Variants in CLASP2 observed in about 807,000 individuals in gnomAD.
CLASP2 encodes the protein CLIP-associating protein 2.
Under a neutral mutation model 194.4 loss-of-function variants are expected in CLASP2, and 47 were observed. That is an observed-to-expected ratio of 0.24 (90% CI 0.19 to 0.31). The LOEUF (loss-of-function observed/expected upper bound fraction) is 0.31. CLASP2 is among the 10% of genes least tolerant of loss of function. The probability of loss-of-function intolerance (pLI) is 1.00; values close to 1 mark genes in which losing one functional copy is unlikely to be tolerated. For synonymous variants in CLASP2, 619 were observed against 633.5 expected (o/e 0.98, Z 0.34); for missense variants, 1,445 against 1,823.6 (o/e 0.79, Z 3.78).
intron 2 of CLASP2, among the ~76,000 whole-genome samples, chr3:33,694,766 C>A (rs1045180399): frequency 2.6e-5 from 4 of 152,080 alleles, no homozygotes; most frequent in African/African-American, 9.7e-5. Context: ...ATTTTAAACA[C>A]TGATTCAAAA....
intron 6 of CLASP2, among the ~76,000 whole-genome samples, chr3:33,671,710 G>T (rs368560211): frequency 1.3e-5 from 2 of 152,310 alleles, no homozygotes; most frequent in African/African-American, 4.8e-5. Context: ...GTGACAGATG[G>T]CACCTGGAAA....
intron 37 of CLASP2, chr3:33,502,865 T>G (rs2047156171): frequency 6.6e-6 from 1 of 152,244 alleles, no homozygotes; most frequent in African/African-American, 2.4e-5. Flanking sequence ...CATTTTAATA[T>G]AATTGCAATT....
rs983778309 is a variant in CLASP2 at position 33,612,139 on chromosome 3, C to T, written c.1318-68G>A. 3.2e-6 allele frequency: 3 copies of T among 942,654 alleles called. No individual in the cohort carries two copies. In the African/African-American group the frequency reaches 4.9e-5, roughly 15 times the overall value. The allele number at this position is 942,654 out of a possible 1,614,324, so 58.4% of individuals were successfully genotyped here. The stretch of plus-strand genomic sequence containing the variant: ...TCATGTGGTCCTTTCTTCTATTTGC[C>T]TTACATTCAAGTATTTAGTTATGTT... On this transcript the variant is annotated intron_variant, in intron 12 of 38. Transcript: ENST00000682230.
At chr3:33,558,040 A>G (rs1479529145) in intron 29 of CLASP2, among the ~76,000 whole-genome samples, 1 of 152,196 alleles carries the variant, frequency 6.6e-6, no homozygotes, top group Non-Finnish European at 1.5e-5. Context: ...TCCCCCACTC[A>G]CCCAGAGACA....
At chr3:33,587,721 A>G (rs1254860802) in intron 21 of CLASP2, among the ~76,000 whole-genome samples, 4 of 152,192 alleles carry the variant, frequency 2.6e-5, no homozygotes, top group African/African-American at 9.7e-5. Context: ...TTATAACCTT[A>G]AGGATACTCA....
chr3:33,576,603 CATA>C (rs1193287717), intron 23 of CLASP2, among the ~76,000 whole-genome samples: 4 of 152,132 alleles, frequency 2.6e-5, no homozygotes, highest in Non-Finnish European at 5.9e-5. Flanking sequence ...AAATATCATC[CATA>C]CGGCTGAATC....
At chr3:33,711,136 T>C (rs1046758738) in intron 1 of CLASP2, among the ~76,000 whole-genome samples, 1 of 152,058 alleles carries the variant, frequency 6.6e-6, no homozygotes, top group Non-Finnish European at 1.5e-5. Flanking sequence ...CATATAATGG[T>C]CAGGAATTTA....
chr3:33,672,510 G>C (rs370649136), intron 6 of CLASP2, among the ~76,000 whole-genome samples: 2 of 151,806 alleles, frequency 1.3e-5, no homozygotes, highest in Non-Finnish European at 2.9e-5. Context: ...CAGAGCAGAA[G>C]AACTGGAAAC....
intron 12 of CLASP2, among the ~76,000 whole-genome samples, chr3:33,616,555 A>T (rs1161739088): frequency 3.9e-5 from 6 of 152,124 alleles, no homozygotes; most frequent in Non-Finnish European, 8.8e-5. Context: ...GGGCTATCTG[A>T]TAAAATTCAA....
At chr3:33,603,570 T>A (rs1480146770) in intron 17 of CLASP2, among the ~76,000 whole-genome samples, 1 of 152,236 alleles carries the variant, frequency 6.6e-6, no homozygotes, top group Non-Finnish European at 1.5e-5. Context: ...TCCATGGGAA[T>A]GCAAATTAAG....
chr3:33,582,256 G>T (rs2066325941), intron 22 of CLASP2, among the ~76,000 whole-genome samples: 1 of 151,956 alleles, frequency 6.6e-6, no homozygotes, highest in Non-Finnish European at 1.5e-5. Flanking sequence ...TAACACTTTT[G>T]GTATCTTAGG....
intron 21 of CLASP2, among the ~76,000 whole-genome samples, chr3:33,591,395 G>C (rs553205983): frequency 6.6e-6 from 1 of 152,026 alleles, no homozygotes; most frequent in African/African-American, 2.4e-5. Flanking sequence ...GGAGGATTGC[G>C]TGAGGCCAGA....
In CLASP2 at chr3:33,548,574, C is replaced by T. The variant is rs539818289; in HGVS notation, c.3153+2678G>A. ...TTTCCCAAAGTGCTGGAATTACAGG[C>T]GTTAGCCACTGTGCCCAGCCATCAT... On this transcript the variant is annotated intron_variant, in intron 30 of 38. Transcript: ENST00000682230. 6.8e-4 allele frequency among the ~76,000 whole-genome samples: 103 copies of T among 152,214 alleles called. 1 individual carries two copies. The highest frequency in any genetic ancestry group is 3.4e-3 in the Middle Eastern group (1 of 294).
chr3:33,715,443 T>C (rs2093247279), intron 1 of CLASP2, among the ~76,000 whole-genome samples: 1 of 152,204 alleles, frequency 6.6e-6, no homozygotes, highest in Admixed American at 6.5e-5. Context: ...ACACTATACA[T>C]TTTATTTATC....
intron 19 of CLASP2, among the ~76,000 whole-genome samples, chr3:33,595,680 A>C (rs898279957): frequency 2.6e-5 from 4 of 152,036 alleles, no homozygotes; most frequent in African/African-American, 2.4e-5. Context: ...CTTCTCAAAT[A>C]GATTGAGATT....
chr3:33,651,551 G>C (rs1486524189), intron 7 of CLASP2, among the ~76,000 whole-genome samples: 7 of 151,580 alleles, frequency 4.6e-5, no homozygotes, highest in African/African-American at 1.7e-4. Context: ...CAAGGTTTCA[G>C]ATAAGGGTCT....
intron 37 of CLASP2, among the ~76,000 whole-genome samples, chr3:33,507,063 C>T (rs564328733): frequency 2.6e-5 from 4 of 151,902 alleles, no homozygotes; most frequent in Non-Finnish European, 4.4e-5. Flanking sequence ...CTCAGCCTCC[C>T]GAGTAGCTGC....
chr3:33,592,097 T>C, intron 21 of CLASP2: 2 of 636,712 alleles, frequency 3.1e-6, no homozygotes, highest in Non-Finnish European at 5.7e-6. Flanking sequence ...AGTTTTTCTT[T>C]GTAAGTGGCA....
intron 27 of CLASP2, among the ~76,000 whole-genome samples, chr3:33,566,186 C>T (rs981749296): frequency 2.0e-5 from 3 of 152,154 alleles, no homozygotes; most frequent in African/African-American, 7.2e-5. Flanking sequence ...TGGAAAGTGG[C>T]TATGCTAATA....
Sources: allele counts gnomAD v4.1 joint callset (sites outside exome capture counted in the v4.1 genomes callset), GRCh38; gene constraint gnomAD v4.1.1; transcripts MANE v1.5; gene names NCBI Gene and HGNC (gene_info 2026-07-23, HGNC 2026-07-21).